EXOC4: variants seen among roughly 807,000 people sequenced by gnomAD.
The protein encoded by EXOC4 is exocyst complex component 4.
EXOC4 carries 71 observed loss-of-function variants against 107.2 expected under a neutral mutation model. The ratio of observed to expected loss-of-function variants is 0.66; its 90% CI spans 0.55 to 0.81. EXOC4 has a LOEUF of 0.81. Among genes scored for constraint, EXOC4 ranks in the 30% least tolerant of loss-of-function variants. EXOC4 has a pLI of 0.00. For missense variants in EXOC4, 1,108 were observed against 1,189.6 expected (o/e 0.93, Z 1.01); for synonymous variants, 456 against 441.2 (o/e 1.03, Z -0.42).
intron 9 of EXOC4, among the ~76,000 whole-genome samples, chr7:133,519,663 T>C (rs1799945453): frequency 6.6e-6 from 1 of 152,058 alleles, no homozygotes. Context: ...AAGAAAAATA[T>C]GATAGAAGTT....
the EXOC4 span, among the ~76,000 whole-genome samples, chr7:134,075,134 C>G: frequency 6.6e-6 from 1 of 152,218 alleles, no homozygotes; most frequent in Non-Finnish European, 1.5e-5. Context: ...TTTGGATGTT[C>G]TTGACTTCTT....
intron 17 of EXOC4, among the ~76,000 whole-genome samples, chr7:134,028,952 G>A (rs1016854205): frequency 7.9e-5 from 12 of 152,236 alleles, no homozygotes; most frequent in African/African-American, 2.9e-4. Context: ...CTAGCAAAGA[G>A]ATGTGAAAGG....
intron 9 of EXOC4, among the ~76,000 whole-genome samples, chr7:133,533,163 T>A (rs1800212018): frequency 6.6e-6 from 1 of 152,178 alleles, no homozygotes; most frequent in South Asian, 2.1e-4. Flanking sequence ...GATTTTTGGA[T>A]TCTTAGAAGG....
intron 12 of EXOC4, among the ~76,000 whole-genome samples, chr7:133,901,450 T>G (rs1799449652): frequency 6.6e-6 from 1 of 152,180 alleles, no homozygotes; most frequent in Non-Finnish European, 1.5e-5. Flanking sequence ...GAACCTGGGC[T>G]TTAGCTCAAG....
chr7:133,827,950 C>A (rs544616672), intron 11 of EXOC4, among the ~76,000 whole-genome samples: 1 of 152,162 alleles, frequency 6.6e-6, no homozygotes, highest in Admixed American at 6.5e-5. Context: ...TAAAGGAAGT[C>A]TCTGAGATTA....
chr7:133,599,299 G>T (rs1281822207), intron 9 of EXOC4, among the ~76,000 whole-genome samples: 1 of 152,156 alleles, frequency 6.6e-6, no homozygotes, highest in East Asian at 1.9e-4. Flanking sequence ...AGGCTTCTTA[G>T]TATCTCCTGA....
intron 12 of EXOC4, among the ~76,000 whole-genome samples, chr7:133,912,272 A>AGT (rs1799711709): frequency 6.6e-6 from 1 of 152,238 alleles, no homozygotes; most frequent in East Asian, 1.9e-4. Context: ...AATTCTTCAC[A>AGT]GAGAAAGTGA....
At chr7:133,821,943 A>G (rs139182347) in intron 11 of EXOC4, among the ~76,000 whole-genome samples, 4 of 152,324 alleles carry the variant, frequency 2.6e-5, no homozygotes, top group South Asian at 2.1e-4. Context: ...TTTTCTGCGC[A>G]TGGTATAAAA....
intron 14 of EXOC4, among the ~76,000 whole-genome samples, chr7:133,977,764 GTGTT>G (rs1185320285): frequency 7.3e-5 from 11 of 151,450 alleles, no homozygotes; most frequent in South Asian, 2.1e-4. Flanking sequence ...GTGTGTGTGT[GTGTT>G]TGTTTGTTTT....
rs1402359430 is a variant in EXOC4 at position 133,485,493 on chromosome 7, G to A, written c.1417+5355G>A. Among the ~76,000 whole-genome samples, 4 of 152,006 alleles carry A rather than the reference G, an allele frequency of 2.6e-5. No individual in the cohort carries two copies. The East Asian group carries it at 7.7e-4, about 29-fold the overall frequency. ...GTGCCCGAGCACAGCTGACCTCCAT[G>A]TCTGTGTCTCCTGCCCTTTTCTCAT... On this transcript the variant is annotated intron_variant, in intron 9 of 17. Transcript: ENST00000253861.
At chr7:133,497,986 G>A (rs1242831703) in intron 9 of EXOC4, among the ~76,000 whole-genome samples, 1 of 152,032 alleles carries the variant, frequency 6.6e-6, no homozygotes, top group South Asian at 2.1e-4. Flanking sequence ...GTAGTTATAG[G>A]TATAGTAAAG....
intron 10 of EXOC4, among the ~76,000 whole-genome samples, chr7:133,796,213 G>A (rs1461035400): frequency 1.3e-5 from 2 of 152,202 alleles, no homozygotes; most frequent in Non-Finnish European, 2.9e-5. Context: ...TTCTTAATAA[G>A]CTCAGATCAG....
chr7:133,490,811 A>G (rs1381913602), intron 9 of EXOC4, among the ~76,000 whole-genome samples: 2 of 152,210 alleles, frequency 1.3e-5, no homozygotes, highest in African/African-American at 2.4e-5. Context: ...ATGTAATCAC[A>G]TACAGGATTT....
chr7:133,709,018 A>G (rs1393311378), intron 10 of EXOC4, among the ~76,000 whole-genome samples: 1 of 152,186 alleles, frequency 6.6e-6, no homozygotes, highest in Admixed American at 6.5e-5. Flanking sequence ...TTGGAGTATT[A>G]GGCTTGGTTA....
chr7:133,869,484 G>A (rs530042051), intron 11 of EXOC4, among the ~76,000 whole-genome samples: 1 of 152,234 alleles, frequency 6.6e-6, no homozygotes, highest in East Asian at 1.9e-4. Flanking sequence ...TCCCTGGCAT[G>A]GAGGAGGTAT....
intron 9 of EXOC4, among the ~76,000 whole-genome samples, chr7:133,582,362 T>G (rs1370007516): frequency 6.6e-6 from 1 of 152,230 alleles, no homozygotes; most frequent in Non-Finnish European, 1.5e-5. Flanking sequence ...GACCACATTT[T>G]CTTTATCCAG....
chr7:133,937,766 A>G (rs1347243574), intron 13 of EXOC4, 125 bp from the exon 14 acceptor site: 2 of 877,092 alleles, frequency 2.3e-6, no homozygotes, highest in African/African-American at 1.7e-5. Flanking sequence ...TAAACCTAGG[A>G]AAAAGAGCAC....
intron 10 of EXOC4, among the ~76,000 whole-genome samples, chr7:133,749,928 T>C (rs969435990): frequency 6.6e-6 from 1 of 151,200 alleles, no homozygotes; most frequent in Non-Finnish European, 1.5e-5. Context: ...TGCTCTCCCT[T>C]ATTGGGCTTC....
intron 10 of EXOC4, among the ~76,000 whole-genome samples, chr7:133,767,468 T>A (rs1484180140): frequency 2.6e-5 from 4 of 151,748 alleles, no homozygotes; most frequent in African/African-American, 9.7e-5. Context: ...CACACACCCC[T>A]TATATATGTG....
Sources: gnomAD v4.1 joint callset for allele counts (sites outside exome capture counted in the v4.1 genomes callset) on GRCh38, gnomAD v4.1.1 for gene constraint, MANE v1.5 for transcripts, NCBI Gene and HGNC (gene_info 2026-07-23, HGNC 2026-07-21) for gene names.